Variants in DPM2 observed in about 807,000 individuals in gnomAD.
DPM2 encodes the protein dolichyl-phosphate mannosyltransferase subunit 2, regulatory.
In DPM2, 8 loss-of-function variants were observed where a neutral mutation model predicts 12.1. That is an observed-to-expected ratio of 0.66 (90% CI 0.39 to 1.19). The LOEUF (loss-of-function observed/expected upper bound fraction) is 1.19, where lower values mean the gene tolerates loss of function less well. Ranked by LOEUF, DPM2 falls within the 50% of genes most tolerant of loss-of-function variation. DPM2 has a pLI of 0.01. For missense variants in DPM2, 93 were observed against 102.5 expected, an observed-to-expected ratio of 0.91 and a Z score of 0.40; for synonymous variants, 38 against 44.7, an observed-to-expected ratio of 0.85 and a Z score of 0.60.
intron 3 of DPM2, chr9:127,936,298 G>A (rs528804281): frequency 1.4e-6 from 2 of 1,449,910 alleles, no homozygotes; most frequent in East Asian, 2.6e-5. Context: ...GTGACAAGAG[G>A]GTGACTGAGG....
chr9:127,936,958 G>A (rs1270262476), intron 2 of DPM2: 4 of 353,832 alleles, frequency 1.1e-5, no homozygotes, highest in African/African-American at 8.4e-5. Flanking sequence ...AGGAATCCTC[G>A]ACTGACTCCC....
chr9:127,936,634 C>T lies in DPM2; in HGVS notation c.115G>A (p.Val39Ile). 6.6e-7 allele frequency: 1 copy of T among 1,506,940 alleles called. No homozygotes were observed. Among genetic ancestry groups the T allele is most frequent in the Non-Finnish European group, 8.9e-7 (1 of 1,126,526 alleles). The allele number at this position is 1,506,940 out of a possible 1,614,324, so 93.3% of individuals were successfully genotyped here. The change falls in exon 3 of 4, where the codon GTC becomes ATC. Residue 39 changes from valine (V) to isoleucine (I), a missense_variant. Val to Ile is a conservative substitution (Grantham distance 29). Coordinates refer to ENST00000314392, the MANE Select transcript of DPM2 (RefSeq NM_003863.4). The stretch of plus-strand genomic sequence containing the variant: ...CGGGGCAGGAAATACTTGTGGATGA[C>T]ATGCTGACTGTCGATGAATGGCTGG... ...ILLPFIDSQHVIHKYFLPRAY... is the reference protein window; with the variant it reads ...ILLPFIDSQHIIHKYFLPRAY...
chr9:127,935,726 T>C lies in DPM2; in HGVS notation c.251A>G (p.Gln84Arg). The C allele has an allele frequency of 6.2e-7, 1 of 1,613,276 alleles. No homozygotes were observed. Among genetic ancestry groups the C allele is most frequent in the Non-Finnish European group, 8.5e-7 (1 of 1,179,246 alleles). Reference protein sequence around the residue: ...LKTKRVTKKAQ With the variant: ...LKTKRVTKKAR ...AGCCTCATCCCTGCGGGACCTTCACTGAGCCTTCTTGGTCACTCTCTTGGT... is the reference window on the plus strand; with the variant it reads ...AGCCTCATCCCTGCGGGACCTTCACCGAGCCTTCTTGGTCACTCTCTTGGT... The change falls in exon 4 of 4, where the codon CAG becomes CGG. Residue 84 changes from glutamine (Q) to arginine (R), a missense_variant. Physicochemically the swap from Gln to Arg is conservative, Grantham distance 43. Transcript: ENST00000314392.
chr9:127,937,663 G>T, intron 1 of DPM2, 140 bp from the exon 2 acceptor site: 3 of 1,244,172 alleles, frequency 2.4e-6, no homozygotes, highest in East Asian at 4.7e-5. Flanking sequence ...CAGTTTCTAG[G>T]CTGGGAGAGA....
Position 127,937,730 on chromosome 9 carries a change from G to T in DPM2, c.3+88C>A, listed in dbSNP as rs377154369. ...TAGTGGGGGCGGGAGAGCAATCCCCGTTCCAAGTGCCCATGCCCCAGCTCC... is the reference window on the plus strand; with the variant it reads ...TAGTGGGGGCGGGAGAGCAATCCCCTTTCCAAGTGCCCATGCCCCAGCTCC... On this transcript the variant is annotated intron_variant, in intron 1 of 3. Coordinates refer to ENST00000314392, the MANE Select transcript of DPM2 (RefSeq NM_003863.4). 4 of 1,545,280 alleles carry T rather than the reference G, an allele frequency of 2.6e-6. No homozygotes were observed. In the African/African-American group the frequency reaches 4.1e-5, roughly 16 times the overall value.
rs773731630 is a variant in DPM2, at chr9:127,936,663, C to A, written c.94-8G>T. ...CTGACTGTCGATGAATGGCTGGCATCGAGGGAAGAGCTCTGGTGTGTCTTG... is the reference window on the plus strand; with the variant it reads ...CTGACTGTCGATGAATGGCTGGCATAGAGGGAAGAGCTCTGGTGTGTCTTG... On this transcript the variant is annotated splice_polypyrimidine_tract_variant and splice_region_variant and intron_variant, in intron 2 of 3. Transcript: ENST00000314392. The A allele has an allele frequency of 6.0e-6, 9 of 1,491,772 alleles. No homozygotes were observed. The highest frequency in any genetic ancestry group is 8.0e-6 in the Non-Finnish European group (9 of 1,121,306). The allele number at this position is 1,491,772 out of a possible 1,614,324, so 92.4% of individuals were successfully genotyped here.
intron 3 of DPM2, 150 bp downstream of exon 3, chr9:127,936,403 T>C: frequency 6.4e-7 from 1 of 1,571,422 alleles, no homozygotes; most frequent in Admixed American, 1.9e-5. Context: ...CAGAGGTTAC[T>C]GACTGGCAGC....
At position 127,935,423 on chromosome 9, in the gene DPM2, A is replaced by G. The variant is rs2131646827; in HGVS notation, c.*299T>C. 1 of 493,138 alleles carries G rather than the reference A, an allele frequency of 2.0e-6. No individual in the cohort carries two copies. The highest frequency in any genetic ancestry group is 1.9e-5 in the African/African-American group (1 of 51,630). 30.5% of individuals were successfully genotyped at this position (493,138 alleles called of 1,614,324 possible). A position where few individuals can be genotyped will look rare whatever the true frequency, so the allele number is the denominator to read the frequency against. On this transcript the variant is annotated 3_prime_UTR_variant, in exon 4 of 4. Transcript: ENST00000314392. ...GAAGTGAGGCAAGACGGCAGAACCC[A>G]GGGGAAAAGGTGGCAGGGAGTCTGA...
chr9:127,937,385 G>T, intron 2 of DPM2, 49 bp downstream of exon 2: 1 of 1,471,314 alleles, frequency 6.8e-7, no homozygotes, highest in Non-Finnish European at 9.4e-7. Context: ...TTGCTCTGGC[G>T]GTGCCAGGGC....
At chr9:127,936,237 C>A in intron 3 of DPM2, 1 of 1,369,176 alleles carries the variant, frequency 7.3e-7, no homozygotes. Flanking sequence ...AGACACAGTC[C>A]CCATCCCTAG....
At chr9:127,937,764 C>T in intron 1 of DPM2, 54 bp downstream of exon 1, 1 of 1,608,818 alleles carries the variant, frequency 6.2e-7, no homozygotes, top group Non-Finnish European at 8.5e-7. Flanking sequence ...CCTGAGCAGA[C>T]CCGGGACCCC....
intron 1 of DPM2, 80 bp downstream of exon 1, chr9:127,937,738 T>G: frequency 1.3e-6 from 2 of 1,568,556 alleles, no homozygotes; most frequent in Non-Finnish European, 1.8e-6. Context: ...CCGTTCCAAG[T>G]GCCCATGCCC....
At position 127,937,433 on chromosome 9, in the gene DPM2, C is replaced by G. The variant is rs112173380; in HGVS notation, c.93+1G>C. 5 of 1,611,546 alleles carry G rather than the reference C, an allele frequency of 3.1e-6. No individual in the cohort carries two copies. The African/African-American group carries it at 6.7e-5, about 22-fold the overall frequency. On this transcript the variant is annotated splice_donor_variant, in intron 2 of 3. Coordinates refer to ENST00000314392, the MANE Select transcript of DPM2 (RefSeq NM_003863.4). LOFTEE classifies it high-confidence loss of function. Reference sequence around the variant, plus strand: ...AGCAGCGGACGGGGAGAATGACATACCAAGAGAATCACCCAGGCGGTGTAG... The same window carrying G: ...AGCAGCGGACGGGGAGAATGACATAGCAAGAGAATCACCCAGGCGGTGTAG...
intron 2 of DPM2, 129 bp from the exon 3 acceptor site, chr9:127,936,784 A>G (rs1831513259): frequency 1.3e-6 from 1 of 757,572 alleles, no homozygotes; most frequent in Non-Finnish European, 1.9e-6. Context: ...CTTTTCTTTA[A>G]GATTACGGCA....
intron 2 of DPM2, 133 bp downstream of exon 2, chr9:127,937,301 T>C (rs573573370): frequency 6.4e-5 from 42 of 653,258 alleles, no homozygotes; most frequent in Non-Finnish European, 9.7e-5. Flanking sequence ...ATCTTCCTCA[T>C]AGAGTTGTTC....
chr9:127,936,594 G>T lies in DPM2; in HGVS notation c.155C>A (p.Ala52Asp). Residue 52 changes from alanine (A) to aspartate (D), a missense_variant, in exon 3 of 4, where the codon GCC becomes GAC. Transcript: ENST00000314392. ...CAGGAGGCCTGCAGCCAGTGGGATG[G>T]CGACAGCATAGGCTCGGGGCAGGAA... ...KYFLPRAYAV[A>D]IPLAAGLLLL... The T allele has an allele frequency of 6.4e-7, 1 of 1,557,480 alleles. No individual in the cohort carries two copies. Among genetic ancestry groups the T allele is most frequent in the Middle Eastern group, 1.7e-4 (1 of 5,730 alleles).
chr9:127,936,854 C>T (rs1251247507), intron 2 of DPM2, 199 bp from the exon 3 acceptor site: 5 of 473,296 alleles, frequency 1.1e-5, no homozygotes, highest in Non-Finnish European at 1.8e-5. Context: ...CGGGCACTTG[C>T]TTTGGTGCCT....
In DPM2 at chr9:127,935,574, G is replaced by A; in HGVS notation, c.*148C>T. On this transcript the variant is annotated 3_prime_UTR_variant, in exon 4 of 4. Transcript: ENST00000314392. ...TCGGGGAGGGGGCTCCAGTCAGTCA[G>A]GTGTAAGCTCCATGCCATGGGGACT... 1 of 791,460 alleles carries A rather than the reference G, an allele frequency of 1.3e-6. No individual in the cohort carries two copies. The highest frequency in any genetic ancestry group is 2.1e-6 in the Non-Finnish European group (1 of 473,760). 49.0% of individuals were successfully genotyped at this position (791,460 alleles called of 1,614,324 possible).
chr9:127,935,758 C>A lies in DPM2; in HGVS notation c.219G>T (p.Met73Ile). The A allele has an allele frequency of 6.2e-7, 1 of 1,613,166 alleles. No homozygotes were observed. Among genetic ancestry groups the A allele is most frequent in the Non-Finnish European group, 8.5e-7 (1 of 1,179,186 alleles). ...LFVGLFISYVMLKTKRVTKKA... is the reference protein window; with the variant it reads ...LFVGLFISYVILKTKRVTKKA... ...TCTTGGTCACTCTCTTGGTCTTCAGCATCACATAGGAGATGAACAGTCCTG... is the reference window on the plus strand; with the variant it reads ...TCTTGGTCACTCTCTTGGTCTTCAGAATCACATAGGAGATGAACAGTCCTG... Residue 73 changes from methionine (M) to isoleucine (I), a missense_variant, in exon 4 of 4, where the codon ATG (methionine) becomes ATT (isoleucine). Coordinates refer to ENST00000314392, the MANE Select transcript of DPM2 (RefSeq NM_003863.4).
Sources: gnomAD v4.1 joint callset for allele counts on GRCh38, gnomAD v4.1.1 for gene constraint, MANE v1.5 for transcripts, NCBI Gene and HGNC (gene_info 2026-07-23, HGNC 2026-07-21) for gene names.